Variants in RNF144A observed in about 807,000 individuals in gnomAD.
The protein encoded by RNF144A is ring finger protein 144A.
RNF144A carries 11 observed loss-of-function variants against 38.7 expected under a neutral mutation model. The ratio of observed to expected loss-of-function variants is 0.28; its 90% confidence interval spans 0.18 to 0.47. RNF144A has a LOEUF of 0.47. Among genes scored for constraint, RNF144A ranks in the 20% least tolerant of loss-of-function variants. RNF144A has a pLI of 0.99. For synonymous variants in RNF144A, 149 were observed against 143.9 expected, an observed-to-expected ratio of 1.04 and a Z score of -0.25; for missense variants, 316 against 377.2, an observed-to-expected ratio of 0.84 and a Z score of 1.34.
intron 8 of RNF144A, among the ~76,000 whole-genome samples, chr2:7,033,479 A>T (rs1024224489): frequency 6.6e-6 from 1 of 151,982 alleles, no homozygotes; most frequent in African/African-American, 2.4e-5. Context: ...CTCCAGGCTC[A>T]CTCTGAACTT....
At chr2:7,048,422 T>G (rs1673391026), downstream of RNF144A, among the ~76,000 whole-genome samples, 1 of 152,162 alleles carries the variant, frequency 6.6e-6, no homozygotes, top group Admixed American at 6.5e-5. Context: ...GGCAAGAAAA[T>G]TAAGGCTTAG....
Position 7,039,968 on chromosome 2 carries a change from G to T in RNF144A, c.*208G>T. On this transcript the variant is annotated 3_prime_UTR_variant, in exon 9 of 9. Transcript: ENST00000320892. ...TGTGGTGGGGAGGGGAGGCAGGTGT[G>T]GGTAGCGCACATCCCCACAGATCAA... is the stretch of plus-strand genomic sequence containing the variant. The T allele has an allele frequency of 7.2e-7, 1 of 1,384,814 alleles. No homozygotes were observed. Among genetic ancestry groups the T allele is most frequent in the South Asian group, 1.6e-5 (1 of 64,322 alleles). 85.8% of individuals were successfully genotyped at this position (1,384,814 alleles called of 1,614,324 possible). A position where few individuals can be genotyped will look rare whatever the true frequency, so the allele number is the denominator to read the frequency against.
intron 2 of RNF144A, among the ~76,000 whole-genome samples, chr2:6,969,943 G>T (rs2103344778): frequency 6.6e-6 from 1 of 152,160 alleles, no homozygotes; most frequent in South Asian, 2.1e-4. Flanking sequence ...TGTATTTTTA[G>T]TAGAGACGGG....
At chr2:7,016,647 T>C (rs987217579) in intron 5 of RNF144A, among the ~76,000 whole-genome samples, 3 of 151,824 alleles carry the variant, frequency 2.0e-5, no homozygotes, top group Non-Finnish European at 4.4e-5. Context: ...GACTTCATAC[T>C]ATAAAAGACC....
intron 2 of RNF144A, among the ~76,000 whole-genome samples, chr2:6,948,286 G>A (rs569521964): frequency 6.6e-6 from 1 of 152,350 alleles, no homozygotes; most frequent in Admixed American, 6.5e-5. Flanking sequence ...AGAAGAGACA[G>A]CCTTAGAGGA....
chr2:6,964,109 A>G (rs1667504166), intron 2 of RNF144A, among the ~76,000 whole-genome samples: 1 of 151,974 alleles, frequency 6.6e-6, no homozygotes, highest in Admixed American at 6.5e-5. Flanking sequence ...ACACAGCAAG[A>G]GAACACGTTG....
At chr2:7,057,792 A>G (rs1378438184) in intron 6 of RNF144A, among the ~76,000 whole-genome samples, 1 of 152,148 alleles carries the variant, frequency 6.6e-6, no homozygotes, top group Non-Finnish European at 1.5e-5. Flanking sequence ...GTGAATAGAT[A>G]AAAATTGAAA....
Position 6,958,103 on chromosome 2 carries a change from GCA to G in RNF144A, c.-12+16961_-12+16962del, listed in dbSNP as rs755959331. Among the ~76,000 whole-genome samples, 1 of 152,242 alleles carries G rather than the reference GCA, an allele frequency of 6.6e-6. No homozygotes were observed. Among genetic ancestry groups the G allele is most frequent in the South Asian group, 2.1e-4 (1 of 4,832 alleles). On this transcript the variant is annotated intron_variant, in intron 2 of 8. Transcript: ENST00000320892. This position sits in a 1 kb window ranked among gnomAD's most constrained non-coding sequence, Gnocchi z 4.5. ...TTGCATTGGAAGGTGACAGATGGAA[GCA>G]CACAGTAGTCTGCAGCCAGGCTGTC...
intron 7 of RNF144A, among the ~76,000 whole-genome samples, chr2:7,029,537 G>C (rs572817645): frequency 1.3e-5 from 2 of 152,214 alleles, no homozygotes; most frequent in East Asian, 3.8e-4. Context: ...AGTGCTCCCC[G>C]GGCTGGATCT....
intron 7 of RNF144A, among the ~76,000 whole-genome samples, chr2:7,028,535 G>T (rs1405507790): frequency 6.6e-6 from 1 of 152,234 alleles, no homozygotes; most frequent in African/African-American, 2.4e-5. Flanking sequence ...TCTCAACTGG[G>T]TAGTACACAG....
chr2:6,978,516 T>C (rs1668443120), intron 2 of RNF144A: 1 of 152,250 alleles, frequency 6.6e-6, no homozygotes, highest in Admixed American at 6.5e-5. Flanking sequence ...CACAGACTTG[T>C]GTTATTGTGG....
At chr2:6,968,906 G>A (rs1486476131) in intron 2 of RNF144A, among the ~76,000 whole-genome samples, 2 of 152,136 alleles carry the variant, frequency 1.3e-5, no homozygotes, top group Admixed American at 6.5e-5. Flanking sequence ...TGAGAGGCTG[G>A]TGAAATATGG....
intron 1 of RNF144A, among the ~76,000 whole-genome samples, chr2:6,940,178 A>G (rs577968866): frequency 6.6e-6 from 1 of 152,220 alleles, no homozygotes; most frequent in Non-Finnish European, 1.5e-5. Context: ...AGGTGTTGCT[A>G]TCTTAGCAAC....
At chr2:6,919,365 AC>A (rs1664383417) in intron 1 of RNF144A, among the ~76,000 whole-genome samples, 1 of 152,140 alleles carries the variant, frequency 6.6e-6, no homozygotes, top group Admixed American at 6.5e-5. Context: ...AGATTAGGGA[AC>A]CTTGTTTTTT....
chr2:6,979,298 AT>A (rs1668489829), intron 2 of RNF144A, among the ~76,000 whole-genome samples: 1 of 151,522 alleles, frequency 6.6e-6, no homozygotes, highest in African/African-American at 2.4e-5. Flanking sequence ...GAGATGAGAT[AT>A]TTTTTTTCCT....
At chr2:6,991,743 A>G (rs1421482876) in intron 2 of RNF144A, among the ~76,000 whole-genome samples, 1 of 152,208 alleles carries the variant, frequency 6.6e-6, no homozygotes, top group African/African-American at 2.4e-5. Flanking sequence ...TCTGATGTAC[A>G]TTTAACAGTC....
chr2:7,007,691 T>C (rs541004658), intron 3 of RNF144A, among the ~76,000 whole-genome samples: 1 of 152,318 alleles, frequency 6.6e-6, no homozygotes, highest in Non-Finnish European at 1.5e-5. Flanking sequence ...CCTCTGATGT[T>C]GGTGCTGTCT....
intron 2 of RNF144A, among the ~76,000 whole-genome samples, chr2:6,949,309 G>A (rs1666529649): frequency 6.7e-6 from 1 of 150,194 alleles, no homozygotes; most frequent in Admixed American, 6.6e-5. Flanking sequence ...CCAGGATGGG[G>A]AAAAAAAAAT....
chr2:6,955,860 C>A (rs1442706595), intron 2 of RNF144A, among the ~76,000 whole-genome samples: 1 of 152,150 alleles, frequency 6.6e-6, no homozygotes, highest in Non-Finnish European at 1.5e-5. Flanking sequence ...TGATTCTTTT[C>A]AAGCAGACAG....
Sources: gnomAD v4.1 joint callset for allele counts (sites outside exome capture counted in the v4.1 genomes callset) on GRCh38, gnomAD v4.1.1 for gene constraint, Gnocchi (gnomAD v3.1) non-coding constraint, MANE v1.5 for transcripts, NCBI Gene and HGNC (gene_info 2026-07-23, HGNC 2026-07-21) for gene names.